VWA8: variants seen among roughly 807,000 people sequenced by gnomAD.
VWA8 encodes the protein von Willebrand factor A domain containing 8, also known as von Willebrand factor A domain-containing protein 8.
A neutral mutation model predicts 241.5 loss-of-function variants in VWA8; 221 were observed. That is an observed-to-expected ratio of 0.91 (90% confidence interval 0.82 to 1.02). The LOEUF is 1.02. Among genes scored for constraint, VWA8 ranks in the 50% least tolerant of loss-of-function variants. The probability of loss-of-function intolerance (pLI) is 0.00; values close to 1 mark genes in which losing one functional copy is unlikely to be tolerated. For missense variants in VWA8, 2,322 were observed against 2,328.7 expected, an observed-to-expected ratio of 1.00 and a Z score of 0.06; for synonymous variants, 852 against 827.1, an observed-to-expected ratio of 1.03 and a Z score of -0.52.
At chr13:41,586,493 C>T (rs1311513915) in intron 42 of VWA8, among the ~76,000 whole-genome samples, 1 of 152,236 alleles carries the variant, frequency 6.6e-6, no homozygotes, top group African/African-American at 2.4e-5. Flanking sequence ...AGCTGCCCTT[C>T]TTCTTCCACT....
chr13:41,871,619 T>C (rs1873623101), intron 9 of VWA8, among the ~76,000 whole-genome samples: 2 of 152,254 alleles, frequency 1.3e-5, no homozygotes, highest in South Asian at 2.1e-4. Flanking sequence ...TCCATGTCCC[T>C]ACAAAGGACA....
At chr13:41,601,546 G>A (rs1288127701) in intron 40 of VWA8, among the ~76,000 whole-genome samples, 1 of 152,138 alleles carries the variant, frequency 6.6e-6, no homozygotes, top group Non-Finnish European at 1.5e-5. Flanking sequence ...TTGGAGAGAA[G>A]ATATGATTAA....
chr13:41,720,838 TTTTA>T (rs942660755), intron 25 of VWA8, among the ~76,000 whole-genome samples: 8 of 152,124 alleles, frequency 5.3e-5, no homozygotes, highest in African/African-American at 1.7e-4. Context: ...TTATATTATT[TTTTA>T]TTTGTTTGTT....
chr13:41,744,922 C>T (rs905959470), intron 21 of VWA8, among the ~76,000 whole-genome samples: 1 of 152,148 alleles, frequency 6.6e-6, no homozygotes. Context: ...ACTGCAAGCT[C>T]CACCTCCTGG....
At chr13:41,692,182 C>G (rs903652273) in intron 30 of VWA8, among the ~76,000 whole-genome samples, 11 of 151,968 alleles carry the variant, frequency 7.2e-5, no homozygotes, top group African/African-American at 2.7e-4. Flanking sequence ...CAACACCAAA[C>G]ATTGTTAAGA....
At chr13:41,871,587 A>G (rs901867530) in intron 9 of VWA8, among the ~76,000 whole-genome samples, 1 of 152,118 alleles carries the variant, frequency 6.6e-6, no homozygotes, top group Non-Finnish European at 1.5e-5. Flanking sequence ...TAGTTTACTG[A>G]GAATGATGAT....
intron 12 of VWA8, among the ~76,000 whole-genome samples, chr13:41,848,381 CT>C (rs1872379355): frequency 6.6e-6 from 1 of 152,148 alleles, no homozygotes; most frequent in East Asian, 1.9e-4. Context: ...TGGTTGAACT[CT>C]CAGGGTAATA....
intron 34 of VWA8, among the ~76,000 whole-genome samples, chr13:41,687,183 T>C (rs1303776880): frequency 6.6e-6 from 1 of 152,148 alleles, no homozygotes; most frequent in Non-Finnish European, 1.5e-5. Flanking sequence ...TTAACAGAGC[T>C]CAAATTTTAA....
intron 9 of VWA8, among the ~76,000 whole-genome samples, chr13:41,877,175 T>C (rs1873937585): frequency 6.6e-6 from 1 of 152,090 alleles, no homozygotes; most frequent in Non-Finnish European, 1.5e-5. Flanking sequence ...CTTTATCATA[T>C]TAATTAACAG....
At chr13:41,891,065 C>A (rs927824731) in intron 5 of VWA8, among the ~76,000 whole-genome samples, 2 of 151,324 alleles carry the variant, frequency 1.3e-5, no homozygotes, top group Non-Finnish European at 2.9e-5. Flanking sequence ...CCAGCACTAT[C>A]TAGAAGTCAT....
At chr13:41,606,588 A>C (rs759899380) in intron 39 of VWA8, among the ~76,000 whole-genome samples, 8 of 152,166 alleles carry the variant, frequency 5.3e-5, no homozygotes, top group Non-Finnish European at 1.0e-4. Context: ...TCCTAGGTGT[A>C]TTGCTGAAAC....
intron 4 of VWA8, among the ~76,000 whole-genome samples, chr13:41,901,578 T>C (rs1047691378): frequency 3.3e-5 from 5 of 152,080 alleles, no homozygotes; most frequent in Non-Finnish European, 5.9e-5. Flanking sequence ...GTTAACATTA[T>C]ACAAGTAGGC....
chr13:41,658,293 G>GA (rs144184603), intron 37 of VWA8, among the ~76,000 whole-genome samples: 2,897 of 152,108 alleles, frequency 0.019, 54 homozygotes, highest in African/African-American at 0.051. Flanking sequence ...ATTCCAGTCT[G>GA]AAAAAAAGGA....
At chr13:41,596,471 C>T (rs902564809) in intron 40 of VWA8, among the ~76,000 whole-genome samples, 1 of 152,000 alleles carries the variant, frequency 6.6e-6, no homozygotes, top group Non-Finnish European at 1.5e-5. Context: ...GAAACAGCTC[C>T]TACTGCATTT....
intron 37 of VWA8, among the ~76,000 whole-genome samples, chr13:41,639,910 A>G (rs1441903064): frequency 2.0e-5 from 3 of 152,184 alleles, no homozygotes; most frequent in Admixed American, 2.0e-4. Context: ...TCACCTGCAC[A>G]TGTACTCCTG....
intron 40 of VWA8, among the ~76,000 whole-genome samples, chr13:41,593,625 C>A (rs1486079697): frequency 6.6e-6 from 1 of 152,146 alleles, no homozygotes; most frequent in African/African-American, 2.4e-5. Context: ...TGTGGATAAT[C>A]CTCAGGCTTC....
chr13:41,578,034 A>G (rs1341796964), intron 42 of VWA8, among the ~76,000 whole-genome samples: 1 of 152,232 alleles, frequency 6.6e-6, no homozygotes, highest in East Asian at 1.9e-4. Context: ...TGTGACTGAT[A>G]TATCTATCTA....
chr13:41,956,050 G>A (rs1216985804), intron 1 of VWA8, among the ~76,000 whole-genome samples: 1 of 152,218 alleles, frequency 6.6e-6, no homozygotes, highest in Non-Finnish European at 1.5e-5. Flanking sequence ...GTTAAGTTTA[G>A]TGAGTCTAAA....
Position 41,816,224 on chromosome 13 carries a change from G to A in VWA8, c.1947+474C>T, listed in dbSNP as rs559659086. Among the ~76,000 whole-genome samples the A allele has an allele frequency of 3.7e-4, 57 of 152,282 alleles. 1 individual carries two copies. The South Asian group carries it at 0.012, about 32-fold the overall frequency. ...ACCATTTTATGCGGTAGATGGTACT[G>A]TTCCCGTTCCCATTTTACAGATGAG... On this transcript the variant is annotated intron_variant, in intron 16 of 44. Coordinates refer to ENST00000379310, the MANE Select transcript of VWA8 (RefSeq NM_015058.2).
Sources: allele counts gnomAD v4.1 joint callset (sites outside exome capture counted in the v4.1 genomes callset), GRCh38; gene constraint gnomAD v4.1.1; transcripts MANE v1.5; gene names NCBI Gene and HGNC (gene_info 2026-07-23, HGNC 2026-07-21).